Variants in FRMPD2 observed in about 807,000 individuals in gnomAD.
FRMPD2 encodes FERM and PDZ domain-containing protein 2.
A neutral mutation model predicts 140.1 loss-of-function variants in FRMPD2; 96 were observed. The ratio of observed to expected loss-of-function variants is 0.69; its 90% CI spans 0.58 to 0.81. FRMPD2 has a LOEUF of 0.81. Ranked by LOEUF, FRMPD2 falls within the 40% of genes least tolerant of loss-of-function variation. FRMPD2 has a pLI of 0.00. For synonymous variants in FRMPD2, 449 were observed against 547.6 expected, an observed-to-expected ratio of 0.82 and a Z score of 2.52; for missense variants, 1,240 against 1,447.4, an observed-to-expected ratio of 0.86 and a Z score of 2.32.
intron 5 of FRMPD2, 172 bp downstream of exon 5, chr10:48,241,989 A>G (rs957326417): frequency 1.6e-5 from 8 of 497,864 alleles, no homozygotes; most frequent in Non-Finnish European, 2.8e-5. Flanking sequence ...CACCCTGTTC[A>G]ATAGGGTCAT....
At chr10:48,207,711 TC>T (rs1419330814) in intron 13 of FRMPD2, among the ~76,000 whole-genome samples, 1 of 152,220 alleles carries the variant, frequency 6.6e-6, no homozygotes, top group Non-Finnish European at 1.5e-5. Context: ...TTGATGTGTC[TC>T]TGGGACCCAC....
chr10:48,218,181 T>C (rs985898302), intron 12 of FRMPD2, among the ~76,000 whole-genome samples: 5 of 152,198 alleles, frequency 3.3e-5, no homozygotes, highest in Admixed American at 2.6e-4. Flanking sequence ...ACCAGTCAGA[T>C]TGGATTAGGG....
intron 8 of FRMPD2, 54 bp downstream of exon 8, chr10:48,237,937 C>T (rs1840007401): frequency 6.2e-7 from 1 of 1,610,126 alleles, no homozygotes; most frequent in South Asian, 1.1e-5. Flanking sequence ...CAGCCACCCA[C>T]AGCTCCCTGC....
chr10:48,271,523 C>T (rs1439025687), intron 1 of FRMPD2, among the ~76,000 whole-genome samples: 1 of 152,206 alleles, frequency 6.6e-6, no homozygotes, highest in Admixed American at 6.5e-5. Context: ...TTCCTGTGCA[C>T]CATCCTACAC....
At chr10:48,236,243 C>G (rs1388981618) in intron 9 of FRMPD2, among the ~76,000 whole-genome samples, 1 of 152,130 alleles carries the variant, frequency 6.6e-6, no homozygotes, top group Admixed American at 6.5e-5. Flanking sequence ...CACAGCATTC[C>G]CTAGCTGAGG....
At chr10:48,205,610 GTAATT>G (rs1304063576) in intron 14 of FRMPD2, among the ~76,000 whole-genome samples, 1 of 152,122 alleles carries the variant, frequency 6.6e-6, no homozygotes, top group Non-Finnish European at 1.5e-5. Flanking sequence ...TTTAGTTAAT[GTAATT>G]TGAGTAATTA....
At chr10:48,172,468 G>A (rs1373268421) in intron 25 of FRMPD2, among the ~76,000 whole-genome samples, 4 of 152,312 alleles carry the variant, frequency 2.6e-5, no homozygotes, top group Admixed American at 2.0e-4. Context: ...CGGAAAACGT[G>A]CAGTTTTGTC....
At chr10:48,255,456 AGGCTGTCCCT>A (rs1840470571) in intron 1 of FRMPD2, among the ~76,000 whole-genome samples, 1 of 152,122 alleles carries the variant, frequency 6.6e-6, no homozygotes, top group Admixed American at 6.5e-5. Context: ...TTCATCTGTG[AGGCTGTCCCT>A]ACAGCCTTCC....
At chr10:48,216,455 C>A (rs1196250008) in intron 12 of FRMPD2, among the ~76,000 whole-genome samples, 1 of 152,164 alleles carries the variant, frequency 6.6e-6, no homozygotes. Context: ...GACTCCAGGT[C>A]TGAGTAAGAG....
intron 20 of FRMPD2, 45 bp from the exon 21 acceptor site, chr10:48,181,053 G>C (rs1759067050): frequency 7.3e-7 from 1 of 1,374,790 alleles, no homozygotes; most frequent in African/African-American, 1.4e-5. Context: ...AAAAAGGCCG[G>C]TTTCTTGGTG....
At chr10:48,254,561 G>T (rs1252962727) in intron 1 of FRMPD2, among the ~76,000 whole-genome samples, 1 of 152,206 alleles carries the variant, frequency 6.6e-6, no homozygotes, top group Non-Finnish European at 1.5e-5. Flanking sequence ...AATTAACATT[G>T]TTATCTCTGT....
At chr10:48,205,582 C>G (rs1839183939) in intron 14 of FRMPD2, among the ~76,000 whole-genome samples, 1 of 152,040 alleles carries the variant, frequency 6.6e-6, no homozygotes. Flanking sequence ...AAACAAAGTT[C>G]TTCATATAAA....
chr10:48,184,904 A>C, intron 18 of FRMPD2, 23 bp from the exon 19 acceptor site: 4 of 1,535,908 alleles, frequency 2.6e-6, no homozygotes, highest in Non-Finnish European at 3.6e-6. Context: ...ATGATAGTCC[A>C]TGATAAGATG....
intron 4 of FRMPD2, among the ~76,000 whole-genome samples, chr10:48,243,767 TGAATTGGA>T (rs1019989469): frequency 5.3e-5 from 8 of 151,918 alleles, no homozygotes; most frequent in African/African-American, 1.5e-4. Flanking sequence ...GCCCGGATGT[TGAATTGGA>T]GAGGGTCGGG....
chr10:48,186,179 C>A (rs1053672535), intron 17 of FRMPD2, among the ~76,000 whole-genome samples: 3 of 152,204 alleles, frequency 2.0e-5, no homozygotes, highest in Non-Finnish European at 4.4e-5. Flanking sequence ...TGAAGCTGTT[C>A]CTGGAGAGCT....
At chr10:48,238,188 C>T (rs2131939792) in intron 7 of FRMPD2, 65 bp from the exon 8 acceptor site, 2 of 1,560,844 alleles carry the variant, frequency 1.3e-6, no homozygotes, top group South Asian at 1.1e-5. Context: ...GCATGAAAGA[C>T]CACCCGCACA....
chr10:48,241,337 T>C (rs1840100136), intron 5 of FRMPD2, among the ~76,000 whole-genome samples: 1 of 152,222 alleles, frequency 6.6e-6, no homozygotes, highest in Non-Finnish European at 1.5e-5. Flanking sequence ...GGCCTCTAGC[T>C]TACCTGTCTC....
At chr10:48,193,234 G>A (rs1201658379) in intron 15 of FRMPD2, among the ~76,000 whole-genome samples, 2 of 152,176 alleles carry the variant, frequency 1.3e-5, no homozygotes, top group East Asian at 3.9e-4. Context: ...GAAATCAGCT[G>A]CCCCATCCCC....
chr10:48,235,010 T>TC (rs1275096128), intron 9 of FRMPD2, among the ~76,000 whole-genome samples: 1 of 152,060 alleles, frequency 6.6e-6, no homozygotes, highest in African/African-American at 2.4e-5. Flanking sequence ...GGGTGAATTG[T>TC]CCCTTCTTCC....
Sources: gnomAD v4.1 joint callset for allele counts (sites outside exome capture counted in the v4.1 genomes callset) on GRCh38, gnomAD v4.1.1 for gene constraint, MANE v1.5 for transcripts, NCBI Gene and HGNC (gene_info 2026-07-23, HGNC 2026-07-21) for gene names.